The following DNAH12 variants were observed in gnomAD, a reference collection of about 807,000 sequenced individuals.
DNAH12 encodes dynein axonemal heavy chain 12.
Under a neutral mutation model 371.5 loss-of-function variants are expected in DNAH12, and 285 were observed. The observed-to-expected ratio is 0.77, with a 90% CI of 0.70 to 0.85. The LOEUF (loss-of-function observed/expected upper bound fraction) is 0.85. Ranked by LOEUF, DNAH12 falls within the 40% of genes least tolerant of loss-of-function variation. DNAH12 has a pLI of 0.00. For synonymous variants in DNAH12, 1,200 were observed against 1,213.0 expected (o/e 0.99, Z 0.22); for missense variants, 3,611 against 3,689.4 (o/e 0.98, Z 0.55).
chr3:57,515,226 T>C (rs1356558435), intron 4 of DNAH12, among the ~76,000 whole-genome samples: 1 of 152,114 alleles, frequency 6.6e-6, no homozygotes, highest in Admixed American at 6.6e-5. Context: ...AACACACATA[T>C]CATGGTTTTT....
intron 2 of DNAH12, among the ~76,000 whole-genome samples, chr3:57,532,487 T>C (rs2068884751): frequency 6.6e-6 from 1 of 152,142 alleles, no homozygotes; most frequent in African/African-American, 2.4e-5. Flanking sequence ...TTGGGAAGGC[T>C]TTCCAGGTAT....
chr3:57,424,470 CAAAAA>C (rs71088068), intron 35 of DNAH12, among the ~76,000 whole-genome samples: 2 of 118,364 alleles, frequency 1.7e-5, no homozygotes, highest in African/African-American at 6.6e-5. Context: ...GATTCCATCT[CAAAAA>C]AAAAAAAAAA....
At chr3:57,343,343 T>G (rs1553656858) in intron 60 of DNAH12, among the ~76,000 whole-genome samples, 1 of 152,218 alleles carries the variant, frequency 6.6e-6, no homozygotes, top group Non-Finnish European at 1.5e-5. Flanking sequence ...CCAACTACTT[T>G]GACCCAACCT....
chr3:57,327,416 C>T lies in DNAH12; in HGVS notation c.9979-3797G>A, dbSNP rs935478780. Among the ~76,000 whole-genome samples the T allele has an allele frequency of 4.6e-3, 695 of 152,094 alleles. 3 individuals are homozygous for T. The highest frequency in any genetic ancestry group is 0.016 in the African/African-American group (661 of 41,460). On this transcript the variant is annotated intron_variant, in intron 62 of 73. Coordinates refer to ENST00000495027, the MANE Select transcript of DNAH12 (RefSeq NM_001366028.2). ...CAGGATTCAGAAACTCACTCAAAAC[C>T]GCTCAACTACATGGAAACTGAACAA...
At chr3:57,460,893 G>A (rs1194312723) in intron 19 of DNAH12, among the ~76,000 whole-genome samples, 2 of 152,078 alleles carry the variant, frequency 1.3e-5, no homozygotes, top group Middle Eastern at 3.2e-3. Context: ...GGATCAAGTG[G>A]GTTAATAAGT....
At chr3:57,507,263 T>C (rs1362060528) in intron 8 of DNAH12, among the ~76,000 whole-genome samples, 1 of 152,136 alleles carries the variant, frequency 6.6e-6, no homozygotes, top group Non-Finnish European at 1.5e-5. Flanking sequence ...TCTTATACAA[T>C]GATCAATAAC....
At chr3:57,305,322 C>T (rs951361601) in intron 69 of DNAH12, among the ~76,000 whole-genome samples, 1 of 152,054 alleles carries the variant, frequency 6.6e-6, no homozygotes, top group Non-Finnish European at 1.5e-5. Context: ...TCTACAGACC[C>T]ATCTGACCTC....
At position 57,470,520 on chromosome 3, in the gene DNAH12, C is replaced by G; in HGVS notation, c.2028G>C (p.Leu676=). ...FKWELTKYPE[L]DKLKVNIEPY... ...GCTCAATGTTAACTTTTAATTTATC[C>G]AGTTCAGGATATTTTGTCAATTCCC... Residue 676 remains leucine (L), a synonymous_variant, in exon 16 of 74, where the codon CTG becomes CTC. Transcript: ENST00000495027. The G allele has an allele frequency of 1.3e-6, 2 of 1,549,548 alleles. No individual in the cohort carries two copies. Among genetic ancestry groups the G allele is most frequent in the Non-Finnish European group, 1.7e-6 (2 of 1,146,514 alleles).
chr3:57,474,837 G>A (rs1020599845), intron 13 of DNAH12, among the ~76,000 whole-genome samples: 90 of 151,714 alleles, frequency 5.9e-4, no homozygotes, highest in African/African-American at 2.1e-3. Flanking sequence ...CTAGCTGGGC[G>A]TGGTGGCGCG....
At chr3:57,398,497 T>C (rs2063790728) in intron 43 of DNAH12, among the ~76,000 whole-genome samples, 1 of 152,056 alleles carries the variant, frequency 6.6e-6, no homozygotes, top group African/African-American at 2.4e-5. Flanking sequence ...TAAGAAACAA[T>C]ATAATCAAAC....
At position 57,428,686 on chromosome 3, in the gene DNAH12, G is replaced by A. The variant is rs1348546594; in HGVS notation, c.5200C>T (p.Leu1734Phe). Residue 1734 changes from leucine to phenylalanine, a missense_variant, in exon 34 of 74, where the codon CTT becomes TTT. Transcript: ENST00000495027. Reference sequence around the variant, plus strand: ...GAGGGTGGTATTAACCAGGCAAAAAGTCCTCTCAGAAGAGCTTGATATTCT... The same window carrying A: ...GAGGGTGGTATTAACCAGGCAAAAAATCCTCTCAGAAGAGCTTGATATTCT... ...EPEYQALLRG[L>F]FAWLIPPSLN... is the part of the protein sequence containing the mutation. 5 of 1,549,974 alleles carry A rather than the reference G, an allele frequency of 3.2e-6. No homozygotes were observed. The highest frequency in any genetic ancestry group is 2.7e-5 in the African/African-American group (2 of 72,976).
Position 57,314,649 on chromosome 3 carries a change from C to A in DNAH12, c.10525-18G>T. 6.6e-7 allele frequency: 1 copy of A among 1,509,396 alleles called. No homozygotes were observed. Among genetic ancestry groups the A allele is most frequent in the Admixed American group, 2.6e-5 (1 of 38,490 alleles). 93.5% of individuals were successfully genotyped at this position (1,509,396 alleles called of 1,614,324 possible). ...TCCCAGGCCTTTAATATAAAAAGTA[C>A]ATAACAAGAAAAAAAATTCCGGTCA... is the stretch of plus-strand genomic sequence containing the variant. On this transcript the variant is annotated intron_variant, in intron 65 of 73. Coordinates refer to ENST00000495027, the MANE Select transcript of DNAH12 (RefSeq NM_001366028.2).
chr3:57,393,385 T>TG (rs1229157432), intron 44 of DNAH12, among the ~76,000 whole-genome samples: 2 of 151,910 alleles, frequency 1.3e-5, no homozygotes, highest in African/African-American at 2.4e-5. Context: ...CCCAGCACTT[T>TG]GGGGGGCCGA....
At chr3:57,448,507 T>G (rs2065616204) in intron 25 of DNAH12, among the ~76,000 whole-genome samples, 1 of 150,536 alleles carries the variant, frequency 6.6e-6, no homozygotes, top group African/African-American at 2.4e-5. Context: ...AAGCTGTAGG[T>G]CTTCGCAGTG....
chr3:57,510,706 T>G, intron 5 of DNAH12, 84 bp downstream of exon 5: 1 of 1,191,270 alleles, frequency 8.4e-7, no homozygotes, highest in Non-Finnish European at 1.2e-6. Context: ...TCATTACTCA[T>G]TTTGCTTATT....
At chr3:57,433,584 C>T (rs1389055584) in intron 31 of DNAH12, 61 bp downstream of exon 31, 25 of 1,532,578 alleles carry the variant, frequency 1.6e-5, no homozygotes, top group South Asian at 5.0e-5. Context: ...AAATACTTCA[C>T]GTTTCTTGTT....
chr3:57,399,673 T>C lies in DNAH12; in HGVS notation c.6948+3636A>G, dbSNP rs1184905842. The stretch of plus-strand genomic sequence containing the variant: ...TGAACTATGTGAGTCCACTTATATG[T>C]AGATTTTCCTCTGCTTCTGCCACCC... On this transcript the variant is annotated intron_variant, in intron 43 of 73. Coordinates refer to ENST00000495027, the MANE Select transcript of DNAH12 (RefSeq NM_001366028.2). Among the ~76,000 whole-genome samples the C allele has an allele frequency of 2.0e-5, 3 of 152,170 alleles. No individual in the cohort carries two copies. The East Asian group carries it at 5.8e-4, about 29-fold the overall frequency.
intron 32 of DNAH12, 86 bp from the exon 33 acceptor site, chr3:57,429,860 G>C: frequency 9.0e-7 from 1 of 1,106,748 alleles, no homozygotes; most frequent in Non-Finnish European, 1.2e-6. Context: ...AAATAAAGTA[G>C]CTCCTGTGAT....
At chr3:57,520,393 T>G (rs2153397292) in intron 4 of DNAH12, among the ~76,000 whole-genome samples, 1 of 150,980 alleles carries the variant, frequency 6.6e-6, no homozygotes, top group Admixed American at 6.6e-5. Context: ...GCCTGACCGT[T>G]TTTACCCATT....
Sources: allele counts gnomAD v4.1 joint callset (sites outside exome capture counted in the v4.1 genomes callset), GRCh38; gene constraint gnomAD v4.1.1; transcripts MANE v1.5; gene names NCBI Gene and HGNC (gene_info 2026-07-23, HGNC 2026-07-21).